The following PKHD1 variants were observed in gnomAD, a reference collection of about 807,000 sequenced individuals.
PKHD1 encodes PKHD1 ciliary IPT domain containing fibrocystin/polyductin.
PKHD1 carries 291 observed loss-of-function variants against 412.0 expected under a neutral mutation model. The ratio of observed to expected loss-of-function variants is 0.71; its 90% CI spans 0.64 to 0.78. The LOEUF is 0.78. PKHD1 is among the 30% of genes least tolerant of loss of function. The probability of loss-of-function intolerance (pLI) is 0.00; values close to 1 mark genes in which losing one functional copy is unlikely to be tolerated. For synonymous variants in PKHD1, 1,777 were observed against 1,821.5 expected (o/e 0.98, Z 0.62); for missense variants, 4,825 against 4,950.7 (o/e 0.97, Z 0.76).
chr6:52,078,995 G>A (rs867211252), intron 5 of PKHD1, among the ~76,000 whole-genome samples: 2 of 152,214 alleles, frequency 1.3e-5, no homozygotes, highest in African/African-American at 4.8e-5. Flanking sequence ...GATCGTAGGA[G>A]AGACAAATTT....
rs776157924 is a variant in PKHD1 at position 51,775,882 on chromosome 6, A to G, written c.8480T>C (p.Leu2827Pro). 10 of 1,598,322 alleles carry G rather than the reference A, an allele frequency of 6.3e-6. No individual in the cohort carries two copies. The highest frequency in any genetic ancestry group is 1.7e-5 in the Admixed American group (1 of 59,790). ...TCCCTCTGAGGCTCTAAGGAGAATC[A>G]GAAGCTTTTGTTCCTTTTCTAAGGG... Reference protein sequence around the residue: ...ENPLEKEQKLLILLRASEGVF... With the variant: ...ENPLEKEQKLPILLRASEGVF... Residue 2827 changes from leucine to proline, a missense_variant, in exon 54 of 67, where the codon CTG becomes CCG. By Grantham distance (98) the Leu-to-Pro change is moderately conservative. Coordinates refer to ENST00000371117, the MANE Select transcript of PKHD1 (RefSeq NM_138694.4).
chr6:51,676,036 G>A (rs886135799), intron 60 of PKHD1, among the ~76,000 whole-genome samples: 2 of 152,090 alleles, frequency 1.3e-5, no homozygotes, highest in African/African-American at 4.8e-5. Context: ...AGTGAAGTCT[G>A]TCTGGTGGCA....
At chr6:52,060,140 T>C (rs538634493) in intron 14 of PKHD1, 98 bp from the exon 15 acceptor site, 1 of 734,602 alleles carries the variant, frequency 1.4e-6, no homozygotes, top group Non-Finnish European at 2.5e-6. Flanking sequence ...TTTATGGTAA[T>C]AAAGAAGAAC....
rs1296454530 is a variant in PKHD1, at chr6:52,004,309, T to A, written c.5751+6000A>T. Among the ~76,000 whole-genome samples the A allele has an allele frequency of 2.6e-5, 4 of 152,314 alleles. No homozygotes were observed. In the East Asian group the frequency reaches 7.7e-4, roughly 29 times the overall value. ...GTGAAATTTTCAGTACAGATATTAT[T>A]TCTTTCAATTCTATAATTTTTATTA... On this transcript the variant is annotated intron_variant, in intron 35 of 66. Coordinates refer to ENST00000371117, the MANE Select transcript of PKHD1 (RefSeq NM_138694.4).
intron 43 of PKHD1, among the ~76,000 whole-genome samples, chr6:51,890,763 C>T (rs1158558673): frequency 6.6e-6 from 1 of 152,088 alleles, no homozygotes; most frequent in Non-Finnish European, 1.5e-5. Flanking sequence ...GGGTGTGGGA[C>T]ATTTCTCAAG....
intron 52 of PKHD1, among the ~76,000 whole-genome samples, chr6:51,817,898 T>C (rs1462801875): frequency 6.6e-6 from 1 of 152,142 alleles, no homozygotes; most frequent in Non-Finnish European, 1.5e-5. Flanking sequence ...ACCACCTCCG[T>C]GCGTGGGCTA....
At chr6:51,867,824 C>T (rs201525066) in intron 48 of PKHD1, 39 bp downstream of exon 48, 5 of 1,588,090 alleles carry the variant, frequency 3.1e-6, no homozygotes, top group East Asian at 2.2e-5. Flanking sequence ...CAGATGCATG[C>T]CCATCGGCAA....
At chr6:51,833,526 G>T (rs1025261631) in intron 51 of PKHD1, among the ~76,000 whole-genome samples, 6 of 152,020 alleles carry the variant, frequency 3.9e-5, no homozygotes, top group Admixed American at 2.6e-4. Flanking sequence ...GCCTACAAGA[G>T]TTAAAGAAGC....
intron 52 of PKHD1, among the ~76,000 whole-genome samples, chr6:51,796,316 A>C (rs61010500): frequency 6.6e-6 from 1 of 151,740 alleles, no homozygotes; most frequent in Non-Finnish European, 1.5e-5. Flanking sequence ...ATATTCCCTG[A>C]GGGTTGTTTG....
chr6:51,751,456 T>C (rs866540584), intron 57 of PKHD1, among the ~76,000 whole-genome samples: 1 of 152,232 alleles, frequency 6.6e-6, no homozygotes, highest in Non-Finnish European at 1.5e-5. Context: ...CCAATGTTAA[T>C]GTCTTTGTTT....
intron 63 of PKHD1, among the ~76,000 whole-genome samples, chr6:51,646,367 G>A (rs985133101): frequency 2.6e-5 from 4 of 152,186 alleles, no homozygotes; most frequent in Admixed American, 2.0e-4. Flanking sequence ...TGTCAGGCAA[G>A]ATCTGTGTGT....
intron 60 of PKHD1, among the ~76,000 whole-genome samples, chr6:51,677,254 T>C (rs1775994482): frequency 6.6e-6 from 1 of 152,160 alleles, no homozygotes; most frequent in East Asian, 1.9e-4. Flanking sequence ...AGATTGCCTT[T>C]CACAGTTTGT....
At chr6:51,943,680 C>T (rs1326862222) in intron 36 of PKHD1, among the ~76,000 whole-genome samples, 2 of 151,574 alleles carry the variant, frequency 1.3e-5, no homozygotes, top group African/African-American at 4.8e-5. Flanking sequence ...TTAATACCTG[C>T]TTTTCTCCTT....
intron 66 of PKHD1, among the ~76,000 whole-genome samples, chr6:51,623,157 A>G (rs2150257914): frequency 1.3e-5 from 2 of 152,326 alleles, no homozygotes; most frequent in South Asian, 4.1e-4. Flanking sequence ...ATCTTATGCT[A>G]TTCAACATTG....
At position 52,073,556 on chromosome 6, in the gene PKHD1, AT is replaced by A. The variant is rs758448693; in HGVS notation, c.449-16del. ...TATTAGTTTTCCTGTTTGAAGAAGA[AT>A]TTTTTTAATTTAATGGACTTAGCTC... On this transcript the variant is annotated splice_polypyrimidine_tract_variant and intron_variant, in intron 6 of 66. Coordinates refer to ENST00000371117, the MANE Select transcript of PKHD1 (RefSeq NM_138694.4). 6.8e-7 allele frequency: 1 copy of A among 1,467,602 alleles called. No homozygotes were observed. Among genetic ancestry groups the A allele is most frequent in the Non-Finnish European group, 9.6e-7 (1 of 1,046,774 alleles). The allele number at this position is 1,467,602 out of a possible 1,614,324, so 90.9% of individuals were successfully genotyped here.
intron 60 of PKHD1, among the ~76,000 whole-genome samples, chr6:51,738,776 C>T (rs1784180874): frequency 6.6e-6 from 1 of 152,132 alleles, no homozygotes; most frequent in South Asian, 2.1e-4. Context: ...CATGCTGAGG[C>T]CCTTTTGGAT....
At chr6:51,918,475 G>A (rs1210649471) in intron 37 of PKHD1, among the ~76,000 whole-genome samples, 1 of 152,128 alleles carries the variant, frequency 6.6e-6, no homozygotes, top group African/African-American at 2.4e-5. Flanking sequence ...TTAGTTTGCT[G>A]AGAATGATGG....
chr6:51,911,041 A>G (rs1198803568), intron 39 of PKHD1, among the ~76,000 whole-genome samples: 1 of 152,054 alleles, frequency 6.6e-6, no homozygotes, highest in African/African-American at 2.4e-5. Flanking sequence ...ATACAAAATT[A>G]AACTCACGAT....
In PKHD1 at chr6:51,868,107, C is replaced by T. The variant is rs185747375; in HGVS notation, c.7489G>A (p.Gly2497Arg). 1.2e-6 allele frequency: 2 copies of T among 1,610,934 alleles called. No individual in the cohort carries two copies. ...TCSDCSQGQG[G>R]FTVKTSQLKF... ...AACTGGCTGGTCTTCACAGTAAATC[C>T]ACCTATAAATTGGAAAACAGAAAGA... is the stretch of plus-strand genomic sequence containing the variant. The change falls in exon 48 of 67, where the codon GGA becomes AGA. Residue 2497 changes from glycine to arginine, a missense_variant and splice_region_variant. Physicochemically the swap from Gly to Arg is moderately radical, Grantham distance 125. Transcript: ENST00000371117.
Sources: allele counts gnomAD v4.1 joint callset (sites outside exome capture counted in the v4.1 genomes callset), GRCh38; gene constraint gnomAD v4.1.1; transcripts MANE v1.5; gene names NCBI Gene and HGNC (gene_info 2026-07-23, HGNC 2026-07-21).